Variants in DIAPH3 observed in about 807,000 individuals in gnomAD.
DIAPH3 encodes diaphanous related formin 3.
A neutral mutation model predicts 144.3 loss-of-function variants in DIAPH3; 117 were observed. The ratio of observed to expected loss-of-function variants is 0.81; its 90% CI spans 0.70 to 0.95. The LOEUF is 0.95. DIAPH3 is among the 40% of genes least tolerant of loss of function. The probability of loss-of-function intolerance (pLI) is 0.00; values close to 1 mark genes in which losing one functional copy is unlikely to be tolerated. For missense variants in DIAPH3, 1,421 were observed against 1,412.7 expected (o/e 1.01, Z -0.09); for synonymous variants, 519 against 488.9 (o/e 1.06, Z -0.81).
chr13:59,907,617 A>C (rs976036657), intron 20 of DIAPH3, among the ~76,000 whole-genome samples: 1 of 152,200 alleles, frequency 6.6e-6, no homozygotes, highest in African/African-American at 2.4e-5. Context: ...TGTTACCAGC[A>C]CTACTTTACC....
At chr13:60,062,304 G>A (rs779352295) in intron 4 of DIAPH3, among the ~76,000 whole-genome samples, 1 of 152,044 alleles carries the variant, frequency 6.6e-6, no homozygotes, top group Non-Finnish European at 1.5e-5. Context: ...ACATTTGCTG[G>A]ACATCTATTA....
chr13:59,865,442 T>G (rs926629244), intron 21 of DIAPH3, among the ~76,000 whole-genome samples: 1 of 152,042 alleles, frequency 6.6e-6, no homozygotes, highest in Non-Finnish European at 1.5e-5. Context: ...TTTAAAAATA[T>G]CTTCAGGTTA....
chr13:59,804,302 G>C (rs1429104909), intron 25 of DIAPH3, among the ~76,000 whole-genome samples: 1 of 152,056 alleles, frequency 6.6e-6, no homozygotes, highest in Non-Finnish European at 1.5e-5. Context: ...TCCTATATAG[G>C]TATAGTCTAG....
intron 27 of DIAPH3, among the ~76,000 whole-genome samples, chr13:59,764,178 T>C (rs1404822726): frequency 6.6e-6 from 1 of 152,070 alleles, no homozygotes; most frequent in Non-Finnish European, 1.5e-5. Flanking sequence ...TCCTGCTTCA[T>C]ATTCCCATTC....
chr13:59,832,162 T>C (rs2041812748), intron 24 of DIAPH3, among the ~76,000 whole-genome samples: 2 of 151,912 alleles, frequency 1.3e-5, no homozygotes, highest in South Asian at 4.1e-4. Context: ...TTTCTGGCAA[T>C]GAAAAATAAT....
At position 59,986,898 on chromosome 13, in the gene DIAPH3, A is replaced by G. The variant is rs796720354; in HGVS notation, c.1362-3011T>C. Among the ~76,000 whole-genome samples, 145 of 149,158 alleles carry G rather than the reference A, an allele frequency of 9.7e-4. No homozygotes were observed. The East Asian group carries it at 0.02, about 21-fold the overall frequency. On this transcript the variant is annotated intron_variant, in intron 12 of 27. Coordinates refer to ENST00000400324, the MANE Select transcript of DIAPH3 (RefSeq NM_001042517.2). ...GGTGGGACTATAAACTAGTTCAACC[A>G]TTGTGGAAGTCAGTGTGGCGATTCC...
chr13:59,863,605 C>T (rs1000397995), intron 21 of DIAPH3, among the ~76,000 whole-genome samples: 1 of 152,082 alleles, frequency 6.6e-6, no homozygotes, highest in African/African-American at 2.4e-5. Flanking sequence ...AGCTACCCAC[C>T]TAGACAGCTT....
chr13:59,842,997 T>A (rs953831685), intron 22 of DIAPH3, among the ~76,000 whole-genome samples: 1 of 152,148 alleles, frequency 6.6e-6, no homozygotes, highest in African/African-American at 2.4e-5. Flanking sequence ...TTGAGCTCAA[T>A]CTTCAGCCCC....
intron 7 of DIAPH3, among the ~76,000 whole-genome samples, chr13:60,014,095 A>T (rs2053467505): frequency 6.6e-6 from 1 of 152,140 alleles, no homozygotes; most frequent in African/African-American, 2.4e-5. Flanking sequence ...ATTATCTTCT[A>T]TTTACCACCT....
At chr13:59,798,594 A>C (rs1475126350) in intron 25 of DIAPH3, among the ~76,000 whole-genome samples, 1 of 152,218 alleles carries the variant, frequency 6.6e-6, no homozygotes, top group East Asian at 1.9e-4. Context: ...AAGGAACAAC[A>C]AAGGTAGTCT....
intron 3 of DIAPH3, among the ~76,000 whole-genome samples, chr13:60,097,247 C>A (rs2058130242): frequency 6.6e-6 from 1 of 152,130 alleles, no homozygotes; most frequent in Admixed American, 6.5e-5. Flanking sequence ...TAAATTTGAT[C>A]CCCAATGTTG....
At chr13:59,920,146 T>A (rs2818947) in intron 18 of DIAPH3, among the ~76,000 whole-genome samples, 37,648 of 151,644 alleles carry the variant, frequency 0.25, 4,797 homozygotes, top group East Asian at 0.39. Flanking sequence ...GTAAAAAGGA[T>A]CTACAAAACA....
chr13:59,926,043 C>T (rs2047735791), intron 17 of DIAPH3, among the ~76,000 whole-genome samples: 2 of 152,024 alleles, frequency 1.3e-5, no homozygotes, highest in African/African-American at 4.8e-5. Flanking sequence ...TGGAGTGCAG[C>T]AGCATAATCA....
chr13:59,708,265 A>G (rs561905004), intron 27 of DIAPH3, among the ~76,000 whole-genome samples: 16 of 152,024 alleles, frequency 1.1e-4, no homozygotes, highest in Admixed American at 3.3e-4. Context: ...GAGTCTCACT[A>G]TATTGCCCAG....
At chr13:60,153,743 A>T (rs1029655170) in intron 1 of DIAPH3, among the ~76,000 whole-genome samples, 1 of 152,122 alleles carries the variant, frequency 6.6e-6, no homozygotes, top group African/African-American at 2.4e-5. Flanking sequence ...TTAGTTTTAT[A>T]GCTGTAAAAA....
At chr13:59,871,277 T>A (rs969046955) in intron 21 of DIAPH3, among the ~76,000 whole-genome samples, 2 of 151,930 alleles carry the variant, frequency 1.3e-5, no homozygotes, top group African/African-American at 4.8e-5. Flanking sequence ...CCCCAATCTT[T>A]ATAGCTTTTA....
chr13:59,873,426 A>T (rs1363621420), intron 21 of DIAPH3, among the ~76,000 whole-genome samples: 5 of 152,306 alleles, frequency 3.3e-5, no homozygotes, highest in African/African-American at 1.2e-4. Context: ...TGTGAGTGTG[A>T]CAGGTATGCA....
Position 60,132,838 on chromosome 13 carries a change from A to G in DIAPH3, c.213+119T>C, listed in dbSNP as rs938531152. 10 of 822,960 alleles carry G rather than the reference A, an allele frequency of 1.2e-5. No homozygotes were observed. In the African/African-American group the frequency reaches 1.3e-4, roughly 11 times the overall value. The allele number at this position is 822,960 out of a possible 1,614,324, so 51.0% of individuals were successfully genotyped here. ...TGCCTCTTATTTCAGCACTATAAGAATAGTACGTTTCCAATATATGTGACT... is the reference window on the plus strand; with the variant it reads ...TGCCTCTTATTTCAGCACTATAAGAGTAGTACGTTTCCAATATATGTGACT... On this transcript the variant is annotated intron_variant, in intron 2 of 27. Transcript: ENST00000400324.
chr13:59,712,160 G>A (rs1593641502), intron 27 of DIAPH3, among the ~76,000 whole-genome samples: 1 of 152,190 alleles, frequency 6.6e-6, no homozygotes, highest in Non-Finnish European at 1.5e-5. Context: ...AGCTGGTAAT[G>A]ACAAGAGAAA....
Sources: gnomAD v4.1 joint callset for allele counts (sites outside exome capture counted in the v4.1 genomes callset) on GRCh38, gnomAD v4.1.1 for gene constraint, MANE v1.5 for transcripts, NCBI Gene and HGNC (gene_info 2026-07-23, HGNC 2026-07-21) for gene names.